Variants in DMGDH observed in about 807,000 individuals in gnomAD.
The protein encoded by DMGDH is dimethylglycine dehydrogenase, also known as dimethylglycine dehydrogenase, mitochondrial.
Under a neutral mutation model 95.2 loss-of-function variants are expected in DMGDH, and 76 were observed. The observed-to-expected ratio is 0.80, with a 90% CI of 0.66 to 0.97. The LOEUF is 0.97. Ranked by LOEUF, DMGDH falls within the 50% of genes least tolerant of loss-of-function variation. The pLI, the probability that DMGDH is intolerant of heterozygous loss-of-function variation, is 0.00. For synonymous variants in DMGDH, 345 were observed against 377.6 expected (o/e 0.91, Z 1.00); for missense variants, 987 against 1,055.0 (o/e 0.94, Z 0.89).
chr5:79,040,891 G>A (rs1453907013), intron 7 of DMGDH, among the ~76,000 whole-genome samples: 1 of 151,148 alleles, frequency 6.6e-6, no homozygotes, highest in Non-Finnish European at 1.5e-5. Flanking sequence ...GACTCTATAG[G>A]TGACTATAAA....
intron 4 of DMGDH, among the ~76,000 whole-genome samples, chr5:79,053,020 C>T (rs552275600): frequency 1.3e-5 from 2 of 152,330 alleles, no homozygotes; most frequent in African/African-American, 2.4e-5. Context: ...AGTCAGAGAG[C>T]ATGGGTTTAA....
At chr5:79,008,996 T>C (rs768437531) in intron 14 of DMGDH, among the ~76,000 whole-genome samples, 10 of 152,192 alleles carry the variant, frequency 6.6e-5, no homozygotes, top group South Asian at 4.1e-4. Context: ...CTTTAGATTT[T>C]ATCCATATTT....
At chr5:79,019,150 T>G (rs1195636003) in intron 14 of DMGDH, among the ~76,000 whole-genome samples, 6 of 152,134 alleles carry the variant, frequency 3.9e-5, no homozygotes, top group Non-Finnish European at 8.8e-5. Flanking sequence ...CTTTTACAGA[T>G]TAAAAATCTC....
In DMGDH at chr5:79,024,367, T is replaced by C. The variant is rs111335326; in HGVS notation, c.2191-37A>G. 128 of 1,568,706 alleles carry C rather than the reference T, an allele frequency of 8.2e-5. 2 individuals are homozygous for C. The African/African-American group carries it at 1.5e-3, about 19-fold the overall frequency. ...ACACACATTTTAAATCTTAGATGAG[T>C]GCAAGTCATTTTGGTAACATCACTT... is the stretch of plus-strand genomic sequence containing the variant. On this transcript the variant is annotated intron_variant, in intron 13 of 15. Coordinates refer to ENST00000255189, the MANE Select transcript of DMGDH (RefSeq NM_013391.3).
rs1020650770 is a variant in DMGDH at position 79,058,083 on chromosome 5, G to A, written c.277-2175C>T. ...AGGTAACAAATTATTTTAGAAATTC[G>A]TTGTCAAGGAAAAGTTAGTCTCCCT... On this transcript the variant is annotated intron_variant, in intron 2 of 15. Transcript: ENST00000255189. Among the ~76,000 whole-genome samples, 7 of 152,050 alleles carry A rather than the reference G, an allele frequency of 4.6e-5. No homozygotes were observed. In the East Asian group the frequency reaches 7.7e-4, roughly 17 times the overall value.
At chr5:79,016,750 C>A (rs763549552) in intron 14 of DMGDH, among the ~76,000 whole-genome samples, 28 of 152,190 alleles carry the variant, frequency 1.8e-4, no homozygotes, top group Non-Finnish European at 8.8e-5. Flanking sequence ...GCCAAAACAG[C>A]TTTAAAAAAG....
intron 6 of DMGDH, among the ~76,000 whole-genome samples, chr5:79,043,047 G>T (rs577647300): frequency 5.3e-5 from 8 of 152,282 alleles, no homozygotes; most frequent in African/African-American, 1.9e-4. Flanking sequence ...AACAGGCAGG[G>T]TCTTGAAGTG....
chr5:79,017,564 T>C (rs1264229031), intron 14 of DMGDH, among the ~76,000 whole-genome samples: 2 of 152,194 alleles, frequency 1.3e-5, no homozygotes, highest in South Asian at 2.1e-4. Context: ...GGTAGGACTA[T>C]AATATATAAA....
At chr5:79,055,449 A>G (rs914441221) in intron 3 of DMGDH, among the ~76,000 whole-genome samples, 2 of 152,232 alleles carry the variant, frequency 1.3e-5, no homozygotes, top group Admixed American at 1.3e-4. Context: ...AGTACTGTTC[A>G]GAGTCATGGG....
At chr5:79,009,228 T>C (rs905851058) in intron 14 of DMGDH, among the ~76,000 whole-genome samples, 1 of 152,210 alleles carries the variant, frequency 6.6e-6, no homozygotes, top group Non-Finnish European at 1.5e-5. Context: ...TGTATATCCC[T>C]AAATTAGGAA....
At chr5:79,048,100 G>A (rs1754732804) in intron 5 of DMGDH, among the ~76,000 whole-genome samples, 1 of 152,144 alleles carries the variant, frequency 6.6e-6, no homozygotes, top group South Asian at 2.1e-4. Context: ...CCAGACTACG[G>A]CATGGAATAT....
chr5:79,056,178 T>TGTTATAACATGGATAACA, intron 2 of DMGDH, among the ~76,000 whole-genome samples: 1 of 152,244 alleles, frequency 6.6e-6, no homozygotes, highest in African/African-American at 2.4e-5. Flanking sequence ...ATGGATAGCG[T>TGTTATAACATGGATAACA]TGTACAGAGA....
At chr5:79,030,189 C>T (rs1275939899) in intron 10 of DMGDH, among the ~76,000 whole-genome samples, 155 bp from the exon 11 acceptor site, 1 of 152,132 alleles carries the variant, frequency 6.6e-6, no homozygotes, top group East Asian at 1.9e-4. Flanking sequence ...AACCTAAACC[C>T]AACAGTAATT....
At chr5:79,061,220 AACACACACACACACACAC>A (rs34931005) in intron 2 of DMGDH, among the ~76,000 whole-genome samples, 7 of 141,756 alleles carry the variant, frequency 4.9e-5, no homozygotes, top group South Asian at 4.7e-4. Context: ...CTCTGTCTCA[AACACACACACACACACAC>A]ACACACACAC....
At chr5:79,059,184 G>T (rs1218757572) in intron 2 of DMGDH, among the ~76,000 whole-genome samples, 1 of 152,164 alleles carries the variant, frequency 6.6e-6, no homozygotes, top group Non-Finnish European at 1.5e-5. Flanking sequence ...AGCTTATTAA[G>T]AACATTTTAG....
chr5:79,063,512 G>T, intron 2 of DMGDH, 101 bp downstream of exon 2: 1 of 1,371,436 alleles, frequency 7.3e-7, no homozygotes, highest in Non-Finnish European at 1.0e-6. Context: ...GAAGGGGAAC[G>T]CACTCTAAAG....
At chr5:79,061,271 A>G (rs1044384068) in intron 2 of DMGDH, among the ~76,000 whole-genome samples, 2 of 149,796 alleles carry the variant, frequency 1.3e-5, no homozygotes, top group Non-Finnish European at 3.0e-5. Flanking sequence ...ACACACAAAC[A>G]CCTAATATGT....
At chr5:79,031,836 T>A (rs571572951) in intron 9 of DMGDH, among the ~76,000 whole-genome samples, 15 of 152,048 alleles carry the variant, frequency 9.9e-5, no homozygotes, top group Non-Finnish European at 2.2e-4. Context: ...AAGTGAAGAG[T>A]AAAAGTGATG....
intron 14 of DMGDH, among the ~76,000 whole-genome samples, chr5:79,018,551 G>T (rs1226165312): frequency 2.6e-5 from 4 of 152,032 alleles, no homozygotes; most frequent in Admixed American, 6.6e-5. Context: ...TCACAAAGGG[G>T]CATGGACACC....
Sources: allele counts gnomAD v4.1 joint callset (sites outside exome capture counted in the v4.1 genomes callset), GRCh38; gene constraint gnomAD v4.1.1; transcripts MANE v1.5; gene names NCBI Gene and HGNC (gene_info 2026-07-23, HGNC 2026-07-21).